Variants in NEGR1 observed in about 807,000 individuals in gnomAD.
NEGR1 encodes IgLON family member 4.
NEGR1 carries 10 observed loss-of-function variants against 40.9 expected under a neutral mutation model. The observed-to-expected ratio is 0.24, with a 90% CI of 0.15 to 0.42. NEGR1 has a LOEUF of 0.42. NEGR1 is among the 10% of genes least tolerant of loss of function. NEGR1 has a pLI of 1.00. For synonymous variants in NEGR1, 185 were observed against 166.8 expected, an observed-to-expected ratio of 1.11 and a Z score of -0.84; for missense variants, 352 against 438.9, an observed-to-expected ratio of 0.80 and a Z score of 1.77.
At chr1:71,880,338 CTT>C (rs1217499739) in intron 2 of NEGR1, among the ~76,000 whole-genome samples, 3 of 151,940 alleles carry the variant, frequency 2.0e-5, no homozygotes, top group Non-Finnish European at 2.9e-5. Flanking sequence ...TTACTATACT[CTT>C]AGGATTAAAA....
intron 1 of NEGR1, among the ~76,000 whole-genome samples, chr1:72,215,270 A>G (rs907298537): frequency 1.3e-5 from 2 of 152,170 alleles, no homozygotes; most frequent in African/African-American, 4.8e-5. Flanking sequence ...TCCTAGAAGA[A>G]AACCTAGGAA....
At chr1:71,913,724 C>T (rs1268770521) in intron 2 of NEGR1, among the ~76,000 whole-genome samples, 2 of 151,666 alleles carry the variant, frequency 1.3e-5, no homozygotes, top group Non-Finnish European at 2.9e-5. Context: ...TCTTTTATAA[C>T]AAAAGAATGG....
intron 3 of NEGR1, among the ~76,000 whole-genome samples, chr1:71,772,556 A>C (rs1656366599): frequency 1.3e-5 from 2 of 152,254 alleles, no homozygotes; most frequent in South Asian, 4.1e-4. Context: ...ACTAGACAAA[A>C]AAGTATTCTA....
intron 5 of NEGR1, among the ~76,000 whole-genome samples, chr1:71,601,442 A>G (rs533717666): frequency 6.6e-6 from 1 of 152,354 alleles, no homozygotes; most frequent in Non-Finnish European, 1.5e-5. Flanking sequence ...CAGAGCTACT[A>G]TTTGGCCCAG....
At chr1:72,267,594 G>A (rs1655690734) in intron 1 of NEGR1, among the ~76,000 whole-genome samples, 3 of 151,216 alleles carry the variant, frequency 2.0e-5, no homozygotes, top group Admixed American at 2.0e-4. Flanking sequence ...AATTGCTAGA[G>A]AGAAGTGTCA....
chr1:72,095,262 A>T (rs949050718), intron 1 of NEGR1, among the ~76,000 whole-genome samples: 1 of 152,114 alleles, frequency 6.6e-6, no homozygotes, highest in Non-Finnish European at 1.5e-5. Flanking sequence ...TTTGCACTCA[A>T]ACATGAATAT....
At chr1:71,837,857 T>C (rs1464257804) in intron 2 of NEGR1, among the ~76,000 whole-genome samples, 6 of 152,112 alleles carry the variant, frequency 3.9e-5, no homozygotes, top group Admixed American at 3.3e-4. Context: ...AAATATATAA[T>C]CTAGTTCCCT....
intron 1 of NEGR1, among the ~76,000 whole-genome samples, chr1:72,271,443 A>T (rs538724754): frequency 5.3e-5 from 8 of 151,932 alleles, no homozygotes; most frequent in African/African-American, 1.9e-4. Context: ...CTTAAGTCAG[A>T]GTTTCTAAAA....
At chr1:71,899,891 A>G (rs1661099117) in intron 2 of NEGR1, among the ~76,000 whole-genome samples, 1 of 152,182 alleles carries the variant, frequency 6.6e-6, no homozygotes, top group South Asian at 2.1e-4. Flanking sequence ...TCCACTCTAA[A>G]TGCCCTGGCC....
chr1:72,160,484 A>G (rs1220181118), intron 1 of NEGR1, among the ~76,000 whole-genome samples: 1 of 152,120 alleles, frequency 6.6e-6, no homozygotes, highest in Non-Finnish European at 1.5e-5. Context: ...GACTAAACAT[A>G]AAAATATTTT....
chr1:71,603,145 A>G (rs1649977773), intron 5 of NEGR1, among the ~76,000 whole-genome samples: 1 of 152,250 alleles, frequency 6.6e-6, no homozygotes, highest in Non-Finnish European at 1.5e-5. Context: ...AGATTAATGA[A>G]GAAGTGAAAC....
At chr1:72,232,162 T>C (rs1654387116) in intron 1 of NEGR1, among the ~76,000 whole-genome samples, 1 of 151,964 alleles carries the variant, frequency 6.6e-6, no homozygotes, top group African/African-American at 2.4e-5. Flanking sequence ...GAGACCAGCT[T>C]GGCCGATATG....
At chr1:71,650,417 A>C (rs756581509) in intron 4 of NEGR1, among the ~76,000 whole-genome samples, 11 of 152,200 alleles carry the variant, frequency 7.2e-5, no homozygotes, top group Non-Finnish European at 1.5e-4. Context: ...TGGAAGCTGA[A>C]TCTTTAGGAC....
At chr1:71,470,149 C>T (rs1008487457) in intron 6 of NEGR1, among the ~76,000 whole-genome samples, 12 of 152,064 alleles carry the variant, frequency 7.9e-5, no homozygotes, top group African/African-American at 2.9e-4. Context: ...TAGTGTTCTT[C>T]TGTAGGGTCT....
intron 6 of NEGR1, among the ~76,000 whole-genome samples, chr1:71,419,999 GCATTTTTAAAAC>G (rs796941300): frequency 8.6e-5 from 13 of 151,790 alleles, no homozygotes; most frequent in African/African-American, 2.9e-4. Context: ...AGAGAGGTGT[GCATTTTTAAAAC>G]CATTACATCA....
chr1:72,040,133 C>A (rs937994099), intron 1 of NEGR1, among the ~76,000 whole-genome samples: 2 of 151,940 alleles, frequency 1.3e-5, no homozygotes, highest in Non-Finnish European at 2.9e-5. Flanking sequence ...GTGTTATGTA[C>A]ATGATTCTCT....
intron 3 of NEGR1, among the ~76,000 whole-genome samples, chr1:71,740,118 T>C (rs1408340557): frequency 1.3e-5 from 2 of 152,214 alleles, no homozygotes; most frequent in Non-Finnish European, 2.9e-5. Flanking sequence ...TTATTACTTA[T>C]CTTATGGAAT....
chr1:72,125,261 G>A (rs116630998), intron 1 of NEGR1, among the ~76,000 whole-genome samples: 81 of 151,992 alleles, frequency 5.3e-4, no homozygotes, highest in African/African-American at 1.5e-3. Context: ...AAAATTGAAC[G>A]TATCAAATAA....
intron 1 of NEGR1, among the ~76,000 whole-genome samples, chr1:72,161,120 G>A (rs566343204): frequency 1.3e-5 from 2 of 151,302 alleles, no homozygotes; most frequent in African/African-American, 4.9e-5. Context: ...CAAAGAGAAC[G>A]CAGCTCTGAG....
Sources: allele counts gnomAD v4.1 joint callset (sites outside exome capture counted in the v4.1 genomes callset), GRCh38; gene constraint gnomAD v4.1.1; transcripts MANE v1.5; gene names NCBI Gene and HGNC (gene_info 2026-07-23, HGNC 2026-07-21).